GALNTL6: variants seen among roughly 807,000 people sequenced by gnomAD.
GALNTL6 encodes polypeptide N-acetylgalactosaminyltransferase-like 6.
A neutral mutation model predicts 73.7 loss-of-function variants in GALNTL6; 46 were observed. That is an observed-to-expected ratio of 0.62 (90% confidence interval 0.49 to 0.80). The LOEUF (loss-of-function observed/expected upper bound fraction) is 0.80, where lower values mean the gene tolerates loss of function less well. GALNTL6 is among the 30% of genes least tolerant of loss of function. The pLI is 0.00. For synonymous variants in GALNTL6, 259 were observed against 263.7 expected (o/e 0.98, Z 0.17); for missense variants, 604 against 755.0 (o/e 0.80, Z 2.34).
At chr4:171,887,719 TG>T (rs1376431803) in intron 2 of GALNTL6, among the ~76,000 whole-genome samples, 1 of 152,186 alleles carries the variant, frequency 6.6e-6, no homozygotes, top group African/African-American at 2.4e-5. Context: ...TGTCTTCTGG[TG>T]ATGTTGCTTT....
chr4:172,606,562 T>TACAC (rs1379786839), intron 5 of GALNTL6, among the ~76,000 whole-genome samples: 1 of 129,506 alleles, frequency 7.7e-6, no homozygotes, highest in Non-Finnish European at 1.7e-5. Flanking sequence ...TATATATATA[T>TACAC]ATACATATAC....
At chr4:172,214,347 A>G (rs1399814160) in intron 2 of GALNTL6, among the ~76,000 whole-genome samples, 1 of 152,128 alleles carries the variant, frequency 6.6e-6, no homozygotes, top group Non-Finnish European at 1.5e-5. Flanking sequence ...TCAGGATTTT[A>G]GGTAGGATTC....
intron 5 of GALNTL6, among the ~76,000 whole-genome samples, chr4:172,696,744 C>A (rs915657594): frequency 1.3e-5 from 2 of 152,170 alleles, no homozygotes; most frequent in African/African-American, 4.8e-5. Context: ...AAATCTCTAT[C>A]CTTTATAAAT....
At chr4:171,836,165 A>G (rs1735089055) in intron 2 of GALNTL6, among the ~76,000 whole-genome samples, 1 of 152,016 alleles carries the variant, frequency 6.6e-6, no homozygotes, top group East Asian at 1.9e-4. Context: ...TTGATATCAG[A>G]CCCTCAAGAA....
rs370537510 is a variant in GALNTL6, at chr4:172,457,214, G to GA, written c.553+108536dup. 4.8e-3 allele frequency among the ~76,000 whole-genome samples: 679 copies of GA among 141,188 alleles called. 3 individuals carry two copies. The highest frequency in any genetic ancestry group is 0.012 in the African/African-American group (470 of 38,458). 92.6% of individuals were successfully genotyped at this position (141,188 alleles called of 152,430 possible). On this transcript the variant is annotated intron_variant, in intron 5 of 12. Coordinates refer to ENST00000506823, the MANE Select transcript of GALNTL6 (RefSeq NM_001034845.3). ...GCTCCTGAAGGAAGCACTAAATATG[G>GA]AAAAAAAAAAACCCAAAAAAACAGT... is the stretch of plus-strand genomic sequence containing the variant.
At chr4:172,554,528 C>T (rs562108604) in intron 5 of GALNTL6, among the ~76,000 whole-genome samples, 2 of 152,152 alleles carry the variant, frequency 1.3e-5, no homozygotes, top group East Asian at 3.9e-4. Flanking sequence ...TGTGGTAACC[C>T]ATACTCAAGA....
intron 8 of GALNTL6, among the ~76,000 whole-genome samples, chr4:172,906,578 G>T (rs2111252558): frequency 6.6e-6 from 1 of 152,318 alleles, no homozygotes; most frequent in Admixed American, 6.5e-5. Context: ...CTCTGTCCTT[G>T]CCTGGAAGCT....
chr4:172,034,399 CGTGTGTGTGT>C (rs1209195765), intron 2 of GALNTL6, among the ~76,000 whole-genome samples: 27 of 33,454 alleles, frequency 8.1e-4, no homozygotes, highest in African/African-American at 2.5e-3. Context: ...AGCGTGCGTG[CGTGTGTGTGT>C]GTGTGTGTGT....
chr4:172,729,084 T>C (rs1422514373), intron 5 of GALNTL6, among the ~76,000 whole-genome samples: 1 of 152,178 alleles, frequency 6.6e-6, no homozygotes, highest in Non-Finnish European at 1.5e-5. Flanking sequence ...TTTTCCATTA[T>C]TGAGTTGTTC....
chr4:172,604,530 T>C (rs1396940408), intron 5 of GALNTL6, among the ~76,000 whole-genome samples: 2 of 152,204 alleles, frequency 1.3e-5, no homozygotes, highest in Non-Finnish European at 2.9e-5. Context: ...CTGTATAAAA[T>C]GGCGATCTCA....
At chr4:171,873,230 G>C (rs200311960) in intron 2 of GALNTL6, among the ~76,000 whole-genome samples, 2 of 152,014 alleles carry the variant, frequency 1.3e-5, no homozygotes, top group East Asian at 3.9e-4. Context: ...ACAACATATT[G>C]GACCTTGGCA....
At chr4:172,063,570 C>T (rs1228250312) in intron 2 of GALNTL6, among the ~76,000 whole-genome samples, 2 of 151,930 alleles carry the variant, frequency 1.3e-5, no homozygotes, top group Non-Finnish European at 2.9e-5. Context: ...TGAAAGAAAA[C>T]ACTCTTTCTG....
In GALNTL6 at chr4:172,861,318, C is replaced by CGTGTGTGTGTGT. The variant is rs772337885; in HGVS notation, c.924-21472_924-21471insGTGTGTGTGTGT. On this transcript the variant is annotated intron_variant, in intron 7 of 12. Coordinates refer to ENST00000506823, the MANE Select transcript of GALNTL6 (RefSeq NM_001034845.3). Reference sequence around the variant, plus strand: ...TGTTGTCTGGCTTGGTTTTTGCTTACATGTGTGTGTGTGTGTGTGTGTGTG... The same window carrying CGTGTGTGTGTGT: ...TGTTGTCTGGCTTGGTTTTTGCTTACGTGTGTGTGTGTATGTGTGTGTGTGTGTGTGTGTGTG... Among the ~76,000 whole-genome samples, 68 of 140,884 alleles carry CGTGTGTGTGTGT rather than the reference C, an allele frequency of 4.8e-4. 2 individuals are homozygous for CGTGTGTGTGTGT. Among genetic ancestry groups the CGTGTGTGTGTGT allele is most frequent in the African/African-American group, 1.5e-3 (52 of 35,738 alleles). 92.4% of individuals were successfully genotyped at this position (140,884 alleles called of 152,430 possible). A position where few individuals can be genotyped will look rare whatever the true frequency, so the allele number is the denominator to read the frequency against.
intron 7 of GALNTL6, among the ~76,000 whole-genome samples, chr4:172,815,710 C>G (rs1056325854): frequency 2.0e-5 from 3 of 152,198 alleles, no homozygotes; most frequent in Non-Finnish European, 4.4e-5. Flanking sequence ...AACCACAGAG[C>G]TGGCAGAATT....
chr4:172,033,494 A>G (rs1180592216), intron 2 of GALNTL6, among the ~76,000 whole-genome samples: 1 of 152,224 alleles, frequency 6.6e-6, no homozygotes, highest in East Asian at 1.9e-4. Context: ...CACCTGCCTT[A>G]TAAATTATGA....
rs538131249 is a variant in GALNTL6 at position 172,969,332 on chromosome 4, C to T, written c.1371+17074C>T. Among the ~76,000 whole-genome samples, 31 of 152,090 alleles carry T rather than the reference C, an allele frequency of 2.0e-4. 2 individuals are homozygous for T. The South Asian group carries it at 5.8e-3, about 29-fold the overall frequency. Reference sequence around the variant, plus strand: ...AGAAAAGAGAACAAAAAGAATTTGTCAATGATTTGGAACAATAAGTGAAGG... The same window carrying T: ...AGAAAAGAGAACAAAAAGAATTTGTTAATGATTTGGAACAATAAGTGAAGG... On this transcript the variant is annotated intron_variant, in intron 10 of 12. Transcript: ENST00000506823.
chr4:172,352,738 C>A (rs1741983452), intron 5 of GALNTL6, among the ~76,000 whole-genome samples: 3 of 152,020 alleles, frequency 2.0e-5, no homozygotes, highest in Admixed American at 6.6e-5. Flanking sequence ...AGTATGGAGG[C>A]ACTGCTGTAT....
chr4:172,437,937 C>G (rs997417755), intron 5 of GALNTL6, among the ~76,000 whole-genome samples: 1 of 103,712 alleles, frequency 9.6e-6, no homozygotes, highest in Non-Finnish European at 2.0e-5. Context: ...CAGAGCACAC[C>G]TTGTTTCCCT....
At chr4:172,296,576 T>C (rs936238240) in intron 3 of GALNTL6, among the ~76,000 whole-genome samples, 2 of 152,060 alleles carry the variant, frequency 1.3e-5, no homozygotes, top group Non-Finnish European at 2.9e-5. Context: ...TGTGTTCTCA[T>C]TGTTCAGTTC....
Sources: allele counts gnomAD v4.1 joint callset (sites outside exome capture counted in the v4.1 genomes callset), GRCh38; gene constraint gnomAD v4.1.1; transcripts MANE v1.5; gene names NCBI Gene and HGNC (gene_info 2026-07-23, HGNC 2026-07-21).